CACNB2: variants seen among roughly 807,000 people sequenced by gnomAD.
The protein encoded by CACNB2 is voltage-dependent L-type calcium channel subunit beta-2.
A neutral mutation model predicts 73.3 loss-of-function variants in CACNB2; 42 were observed. The observed-to-expected ratio is 0.57, with a 90% CI of 0.45 to 0.74. The LOEUF (loss-of-function observed/expected upper bound fraction) is 0.74, where lower values mean the gene tolerates loss of function less well. CACNB2 is among the 30% of genes least tolerant of loss of function. CACNB2 has a pLI of 0.00. For synonymous variants in CACNB2, 348 were observed against 310.3 expected (o/e 1.12, Z -1.28); for missense variants, 940 against 853.0 (o/e 1.10, Z -1.27).
At chr10:18,350,874 C>T (rs2041677014) in intron 2 of CACNB2, among the ~76,000 whole-genome samples, 1 of 152,188 alleles carries the variant, frequency 6.6e-6, no homozygotes, top group South Asian at 2.1e-4. Context: ...GTGGCACAAT[C>T]ATAGTTCACT....
intron 2 of CACNB2, among the ~76,000 whole-genome samples, chr10:18,352,082 C>T (rs894543953): frequency 2.0e-5 from 3 of 152,188 alleles, no homozygotes; most frequent in Admixed American, 6.5e-5. Context: ...CAATGCAATG[C>T]CCAAGATGAA....
intron 3 of CACNB2, among the ~76,000 whole-genome samples, chr10:18,496,535 G>T (rs184027860): frequency 6.6e-6 from 1 of 152,136 alleles, no homozygotes; most frequent in African/African-American, 2.4e-5. Flanking sequence ...AGGTTAAGCC[G>T]GACGCGGTGG....
intron 2 of CACNB2, among the ~76,000 whole-genome samples, chr10:18,162,068 T>G (rs1310468734): frequency 6.6e-6 from 1 of 152,210 alleles, no homozygotes; most frequent in African/African-American, 2.4e-5. Flanking sequence ...GGTTTTCCTT[T>G]TATTCTTTTC....
At chr10:18,531,591 G>A (rs185338675) in intron 10 of CACNB2, among the ~76,000 whole-genome samples, 6 of 152,276 alleles carry the variant, frequency 3.9e-5, no homozygotes, top group Non-Finnish European at 5.9e-5. Context: ...TTACCATACT[G>A]TCTTCCACAA....
At chr10:18,141,078 A>G in intron 1 of CACNB2, 1 of 1,548,490 alleles carries the variant, frequency 6.5e-7, no homozygotes, top group South Asian at 1.2e-5. Flanking sequence ...CCGAAAAGCC[A>G]GTGGGGAAGG....
In CACNB2 at chr10:18,355,386, G is replaced by GT. The variant is rs1218370429; in HGVS notation, c.214-46531dup. Among the ~76,000 whole-genome samples the GT allele has an allele frequency of 4.6e-5, 7 of 151,984 alleles. No homozygotes were observed. The East Asian group carries it at 1.2e-3, about 25-fold the overall frequency. ...ATAATGAAAAGAAAAATGTATCGTC[G>GT]TTTTTTTAAAAATGGGACTTCTATA... On this transcript the variant is annotated intron_variant, in intron 2 of 13. Transcript: ENST00000324631.
At chr10:18,357,285 C>G (rs2041961976) in intron 2 of CACNB2, among the ~76,000 whole-genome samples, 1 of 152,142 alleles carries the variant, frequency 6.6e-6, no homozygotes, top group Non-Finnish European at 1.5e-5. Flanking sequence ...CGTCCTTTAT[C>G]ATCCTGAAGT....
chr10:18,498,538 A>G (rs919011371), intron 4 of CACNB2, 61 bp downstream of exon 4: 4 of 1,565,380 alleles, frequency 2.6e-6, no homozygotes, highest in Non-Finnish European at 2.6e-6. Flanking sequence ...ACCATTTCTT[A>G]TTTCCTATTC....
chr10:18,282,554 T>C (rs1355143217), intron 2 of CACNB2, among the ~76,000 whole-genome samples: 1 of 152,220 alleles, frequency 6.6e-6, no homozygotes, highest in African/African-American at 2.4e-5. Context: ...CCTTACAGAT[T>C]GTTAGGAAGA....
intron 2 of CACNB2, among the ~76,000 whole-genome samples, chr10:18,188,713 A>G (rs2034262312): frequency 6.6e-6 from 1 of 152,200 alleles, no homozygotes; most frequent in Non-Finnish European, 1.5e-5. Context: ...TCAATCTTAT[A>G]ATGAAATCAT....
At chr10:18,366,390 G>T (rs1433554809) in intron 2 of CACNB2, among the ~76,000 whole-genome samples, 5 of 151,696 alleles carry the variant, frequency 3.3e-5, no homozygotes, top group African/African-American at 1.2e-4. Context: ...GTACGAACCC[G>T]GGAGGCGGAG....
At position 18,514,972 on chromosome 10, in the gene CACNB2, T is replaced by G. The variant is rs772588058; in HGVS notation, c.804+603T>G. Reference sequence around the variant, plus strand: ...ATTTAGTCAGTATTTAAACTTCTAATCCACTAGGTGCAAAATCTGCAGATG... The same window carrying G: ...ATTTAGTCAGTATTTAAACTTCTAAGCCACTAGGTGCAAAATCTGCAGATG... On this transcript the variant is annotated intron_variant, in intron 7 of 13. Transcript: ENST00000324631. 1 of 1,608,982 alleles carries G rather than the reference T, an allele frequency of 6.2e-7. No homozygotes were observed. The highest frequency in any genetic ancestry group is 8.5e-7 in the Non-Finnish European group (1 of 1,175,398).
intron 2 of CACNB2, among the ~76,000 whole-genome samples, chr10:18,163,498 C>T (rs74790927): frequency 0.043 from 6,561 of 152,184 alleles, 201 homozygotes; most frequent in Middle Eastern, 0.11. Flanking sequence ...ACTAAGTCTT[C>T]GCCCCTGAGC....
At chr10:18,360,485 A>G (rs1054298555) in intron 2 of CACNB2, among the ~76,000 whole-genome samples, 3 of 152,116 alleles carry the variant, frequency 2.0e-5, no homozygotes, top group African/African-American at 7.2e-5. Flanking sequence ...CAGCCTCACA[A>G]AGTGCTGGGA....
At position 18,539,738 on chromosome 10, in the gene CACNB2, G is replaced by GTT; in HGVS notation, c.*15_*16insTT. On this transcript the variant is annotated 3_prime_UTR_variant, in exon 14 of 14. Coordinates refer to ENST00000324631, the MANE Select transcript of CACNB2 (RefSeq NM_201596.3). Reference sequence around the variant, plus strand: ...ATCCGCCAATGAGTTTTGCCCGTTTGTGTTTTTTTTTTTTTTTTTTTGAAG... The same window carrying GTT: ...ATCCGCCAATGAGTTTTGCCCGTTTGTTTGTTTTTTTTTTTTTTTTTTTGAAG... The GTT allele has an allele frequency of 6.6e-7, 1 of 1,509,784 alleles. No homozygotes were observed. Among genetic ancestry groups the GTT allele is most frequent in the African/African-American group, 1.8e-5 (1 of 55,942 alleles). 93.5% of individuals were successfully genotyped at this position (1,509,784 alleles called of 1,614,324 possible).
At chr10:18,424,513 C>T (rs370238131) in intron 3 of CACNB2, among the ~76,000 whole-genome samples, 1 of 152,126 alleles carries the variant, frequency 6.6e-6, no homozygotes, top group African/African-American at 2.4e-5. Context: ...GCTGCTTTCC[C>T]CTGGGCCCTG....
intron 3 of CACNB2, among the ~76,000 whole-genome samples, chr10:18,487,311 G>T (rs1291782620): frequency 2.6e-5 from 4 of 152,106 alleles, no homozygotes; most frequent in African/African-American, 9.7e-5. Context: ...CAGACTTTTA[G>T]CTTGTTTATC....
At chr10:18,428,568 C>T (rs1007298995) in intron 3 of CACNB2, among the ~76,000 whole-genome samples, 7 of 151,968 alleles carry the variant, frequency 4.6e-5, no homozygotes, top group African/African-American at 1.7e-4. Context: ...CACCTGTAAT[C>T]CCAGCTACTC....
At chr10:18,413,936 G>C (rs2044781914) in intron 3 of CACNB2, among the ~76,000 whole-genome samples, 1 of 152,254 alleles carries the variant, frequency 6.6e-6, no homozygotes, top group Non-Finnish European at 1.5e-5. Flanking sequence ...GTGTTGTGAG[G>C]AATCTGAATG....
Sources: gnomAD v4.1 joint callset for allele counts (sites outside exome capture counted in the v4.1 genomes callset) on GRCh38, gnomAD v4.1.1 for gene constraint, MANE v1.5 for transcripts, NCBI Gene and HGNC (gene_info 2026-07-23, HGNC 2026-07-21) for gene names.